The following YPEL2 variants were observed in gnomAD, a reference collection of about 807,000 sequenced individuals.
The protein encoded by YPEL2 is yippee like 2, also known as protein yippee-like 2.
In YPEL2, 2 loss-of-function variants were observed where a neutral mutation model predicts 19.1. The ratio of observed to expected loss-of-function variants is 0.10; its 90% CI spans 0.04 to 0.33. The LOEUF (loss-of-function observed/expected upper bound fraction) is 0.33, where lower values mean the gene tolerates loss of function less well. Ranked by LOEUF, YPEL2 falls within the 10% of genes least tolerant of loss-of-function variation. YPEL2 has a pLI of 1.00. For synonymous variants in YPEL2, 52 were observed against 50.0 expected (o/e 1.04, Z -0.17); for missense variants, 66 against 140.7 (o/e 0.47, Z 2.68).
chr17:59,378,653 T>C (rs147482840), intron 2 of YPEL2, among the ~76,000 whole-genome samples: 26 of 152,250 alleles, frequency 1.7e-4, no homozygotes, highest in Admixed American at 6.5e-4. Context: ...CTCCCTTTCA[T>C]CAATAAAACA....
intron 2 of YPEL2, among the ~76,000 whole-genome samples, chr17:59,361,619 A>G (rs1418407843): frequency 6.6e-6 from 1 of 152,224 alleles, no homozygotes; most frequent in Non-Finnish European, 1.5e-5. Flanking sequence ...GATCTTTATC[A>G]GTGAGTTTCA....
intron 1 of YPEL2, among the ~76,000 whole-genome samples, chr17:59,334,403 G>A (rs1422480117): frequency 6.6e-6 from 1 of 151,436 alleles, no homozygotes; most frequent in Non-Finnish European, 1.5e-5. Context: ...GGGGGGGTGA[G>A]GAGTCAGGAG....
chr17:59,388,929 C>T, intron 3 of YPEL2: 1 of 207,014 alleles, frequency 4.8e-6, no homozygotes, highest in Non-Finnish European at 9.9e-6. Context: ...CTATTCAGCA[C>T]CCAGGGATCA....
chr17:59,390,046 G>T (rs1002440359), intron 4 of YPEL2, among the ~76,000 whole-genome samples: 1 of 152,114 alleles, frequency 6.6e-6, no homozygotes, highest in African/African-American at 2.4e-5. Context: ...TGTCGCCCAG[G>T]CTGGAGTACA....
At chr17:59,338,638 A>T (rs2147933324) in intron 1 of YPEL2, among the ~76,000 whole-genome samples, 1 of 152,254 alleles carries the variant, frequency 6.6e-6, no homozygotes, top group African/African-American at 2.4e-5. Context: ...TGAGATGGGG[A>T]AAGAGGGCAC....
intron 1 of YPEL2, among the ~76,000 whole-genome samples, chr17:59,334,397 G>A (rs917683764): frequency 1.6e-5 from 2 of 128,872 alleles, no homozygotes; most frequent in East Asian, 2.0e-4. Flanking sequence ...ATTTGGGGGG[G>A]GGTGAGGAGT....
At chr17:59,333,728 C>T (rs989470084) in intron 1 of YPEL2, among the ~76,000 whole-genome samples, 2 of 152,152 alleles carry the variant, frequency 1.3e-5, no homozygotes, top group Non-Finnish European at 1.5e-5. Context: ...GGCAGAGGTC[C>T]TCAAACTTAA....
At chr17:59,389,293 G>GCT (rs1422271565) in intron 3 of YPEL2, 67 bp from the exon 4 acceptor site, 11 of 1,425,522 alleles carry the variant, frequency 7.7e-6, no homozygotes, top group Non-Finnish European at 8.7e-6. Flanking sequence ...TTTGCTGGAA[G>GCT]CTCAGCTTGA....
At chr17:59,388,499 T>TA in intron 3 of YPEL2, 129 bp downstream of exon 3, 3 of 907,242 alleles carry the variant, frequency 3.3e-6, no homozygotes, top group Middle Eastern at 4.7e-4. Context: ...GGAGCATTAC[T>TA]GTCCACAATT....
intron 2 of YPEL2, among the ~76,000 whole-genome samples, chr17:59,358,863 C>T (rs979461716): frequency 6.6e-6 from 1 of 151,680 alleles, no homozygotes; most frequent in South Asian, 2.1e-4. Context: ...CCACCTCGGC[C>T]TCTTAAAGTG....
At chr17:59,391,894 T>C (rs2048009355) in intron 4 of YPEL2, among the ~76,000 whole-genome samples, 1 of 128,466 alleles carries the variant, frequency 7.8e-6, no homozygotes, top group Non-Finnish European at 1.6e-5. Context: ...AGTGAGACTC[T>C]ATCTCAAAAA....
At chr17:59,378,691 T>C (rs898053932) in intron 2 of YPEL2, among the ~76,000 whole-genome samples, 5 of 152,140 alleles carry the variant, frequency 3.3e-5, no homozygotes, top group African/African-American at 1.2e-4. Context: ...TCACCACCTT[T>C]TGTTTTTGTA....
intron 4 of YPEL2, among the ~76,000 whole-genome samples, chr17:59,395,358 C>T (rs770990184): frequency 6.6e-6 from 1 of 152,138 alleles, no homozygotes; most frequent in Non-Finnish European, 1.5e-5. Flanking sequence ...CCCAGAACCC[C>T]GCAAGGGTAC....
Position 59,395,524 on chromosome 17 carries a change from C to T in YPEL2, c.271-1577C>T, listed in dbSNP as rs927104146. On this transcript the variant is annotated intron_variant, in intron 4 of 4. Coordinates refer to ENST00000312655, the MANE Select transcript of YPEL2 (RefSeq NM_001005404.4). Reference sequence around the variant, plus strand: ...TGCAAACAAAAGAGCCCTGTTTATTCGCTGGGAGAGCCCACAGTGCTGTGG... The same window carrying T: ...TGCAAACAAAAGAGCCCTGTTTATTTGCTGGGAGAGCCCACAGTGCTGTGG... Among the ~76,000 whole-genome samples the T allele has an allele frequency of 5.9e-5, 9 of 152,226 alleles. No homozygotes were observed. The East Asian group carries it at 7.7e-4, about 13-fold the overall frequency.
At chr17:59,386,923 C>T (rs865869461) in intron 2 of YPEL2, among the ~76,000 whole-genome samples, 2 of 152,150 alleles carry the variant, frequency 1.3e-5, no homozygotes, top group Admixed American at 6.5e-5. Flanking sequence ...ATGTTGGAGG[C>T]AACCAACAAT....
At chr17:59,379,143 A>T (rs2047936503) in intron 2 of YPEL2, among the ~76,000 whole-genome samples, 1 of 152,144 alleles carries the variant, frequency 6.6e-6, no homozygotes, top group Non-Finnish European at 1.5e-5. Context: ...CTCTTAGCTA[A>T]ATGTTCACAG....
intron 2 of YPEL2, among the ~76,000 whole-genome samples, chr17:59,357,962 A>G (rs2047821295): frequency 6.6e-6 from 1 of 152,212 alleles, no homozygotes; most frequent in Non-Finnish European, 1.5e-5. Context: ...CCTTTTGCTC[A>G]GTCTCCAAAA....
chr17:59,401,498 A>G lies in YPEL2; in HGVS notation c.*4308A>G, dbSNP rs1021507538. 3.3e-5 allele frequency: 5 copies of G among 152,516 alleles called. No homozygotes were observed. The highest frequency in any genetic ancestry group is 7.4e-5 in the Non-Finnish European group (5 of 68,010). 9.4% of individuals were successfully genotyped at this position (152,516 alleles called of 1,614,324 possible). On this transcript the variant is annotated 3_prime_UTR_variant, in exon 5 of 5. Transcript: ENST00000312655. Reference sequence around the variant, plus strand: ...CTTCCAATACAGAATCTGTCTATTTATGCTTGTGTTTACAAACTGTATTTG... The same window carrying G: ...CTTCCAATACAGAATCTGTCTATTTGTGCTTGTGTTTACAAACTGTATTTG...
At chr17:59,391,177 G>C (rs1598053551) in intron 4 of YPEL2, among the ~76,000 whole-genome samples, 1 of 152,102 alleles carries the variant, frequency 6.6e-6, no homozygotes, top group East Asian at 1.9e-4. Flanking sequence ...TCCCTGTCCT[G>C]TCATATGGCT....
Sources: gnomAD v4.1 joint callset for allele counts (sites outside exome capture counted in the v4.1 genomes callset) on GRCh38, gnomAD v4.1.1 for gene constraint, MANE v1.5 for transcripts, NCBI Gene and HGNC (gene_info 2026-07-23, HGNC 2026-07-21) for gene names.